Variants in TTC29 observed in about 807,000 individuals in gnomAD.
TTC29 encodes tetratricopeptide repeat domain 29, also known as tetratricopeptide repeat protein 29.
A neutral mutation model predicts 58.1 loss-of-function variants in TTC29; 49 were observed. The ratio of observed to expected loss-of-function variants is 0.84; its 90% CI spans 0.67 to 1.07. The LOEUF (loss-of-function observed/expected upper bound fraction) is 1.07, where lower values mean the gene tolerates loss of function less well. TTC29 is among the 50% of genes least tolerant of loss of function. The pLI, the probability that TTC29 is intolerant of heterozygous loss-of-function variation, is 0.00. For missense variants in TTC29, 582 were observed against 555.6 expected, an observed-to-expected ratio of 1.05 and a Z score of -0.48; for synonymous variants, 209 against 196.8, an observed-to-expected ratio of 1.06 and a Z score of -0.52.
chr4:146,937,353 A>G (rs868373512), intron 4 of TTC29, among the ~76,000 whole-genome samples: 1 of 152,048 alleles, frequency 6.6e-6, no homozygotes, highest in Non-Finnish European at 1.5e-5. Context: ...TTAACTAAAT[A>G]TTGCAAATGT....
intron 2 of TTC29, chr4:146,944,499 G>A (rs1342166026): frequency 6.6e-6 from 1 of 152,184 alleles, no homozygotes; most frequent in Admixed American, 6.5e-5. Context: ...TATCCCCAGA[G>A]ATGCCTTTAT....
chr4:146,923,326 C>A (rs1734716864), intron 4 of TTC29, among the ~76,000 whole-genome samples: 1 of 151,628 alleles, frequency 6.6e-6, no homozygotes, highest in South Asian at 2.1e-4. Flanking sequence ...AAAAATCACA[C>A]ACGCGCGTGC....
intron 6 of TTC29, among the ~76,000 whole-genome samples, chr4:146,900,520 G>A (rs1466045853): frequency 6.6e-6 from 1 of 152,136 alleles, no homozygotes; most frequent in African/African-American, 2.4e-5. Context: ...TTGCTGCGTG[G>A]CTGCCACTAA....
At chr4:146,844,759 T>G (rs1561181610) in intron 8 of TTC29, among the ~76,000 whole-genome samples, 1 of 152,102 alleles carries the variant, frequency 6.6e-6, no homozygotes, top group Non-Finnish European at 1.5e-5. Context: ...GAAGAATGAG[T>G]AGCCAATTCA....
At chr4:146,827,740 T>C (rs1727903911) in intron 9 of TTC29, among the ~76,000 whole-genome samples, 1 of 152,222 alleles carries the variant, frequency 6.6e-6, no homozygotes, top group African/African-American at 2.4e-5. Context: ...TAAATGGCAC[T>C]AGTGTTATTA....
chr4:146,935,320 A>T (rs1380650819), intron 4 of TTC29, among the ~76,000 whole-genome samples: 2 of 152,194 alleles, frequency 1.3e-5, no homozygotes, highest in Non-Finnish European at 2.9e-5. Context: ...GGGATATCAA[A>T]GCCAGTGTAC....
At chr4:146,768,887 T>C (rs1747519594) in intron 11 of TTC29, among the ~76,000 whole-genome samples, 2 of 152,022 alleles carry the variant, frequency 1.3e-5, no homozygotes, top group African/African-American at 4.8e-5. Flanking sequence ...TTATTGCATG[T>C]CATAACAATG....
chr4:146,873,386 C>T (rs1321482233), intron 7 of TTC29, among the ~76,000 whole-genome samples: 1 of 152,128 alleles, frequency 6.6e-6, no homozygotes, highest in African/African-American at 2.4e-5. Context: ...AAAACTATAA[C>T]AGTGTAAGAA....
intron 8 of TTC29, among the ~76,000 whole-genome samples, chr4:146,845,804 C>T (rs1263057829): frequency 6.9e-6 from 1 of 144,196 alleles, no homozygotes; most frequent in East Asian, 2.1e-4. Flanking sequence ...TCTTCCAGTA[C>T]TTGTACACAC....
At chr4:146,708,119 A>ACTT (rs750560927) in intron 11 of TTC29, among the ~76,000 whole-genome samples, 1 of 151,788 alleles carries the variant, frequency 6.6e-6, no homozygotes, top group Non-Finnish European at 1.5e-5. Context: ...CTACTTAGTG[A>ACTT]CTTCAATTAA....
intron 9 of TTC29, among the ~76,000 whole-genome samples, chr4:146,823,378 T>G (rs528032307): frequency 5.4e-4 from 83 of 152,328 alleles, no homozygotes; most frequent in African/African-American, 2.0e-3. Context: ...CCCCATTGAT[T>G]GTTTTTGTCA....
rs71592468 is a variant in TTC29, at chr4:146,761,669, GTTT to G, written c.1330+41785_1330+41787del. Among the ~76,000 whole-genome samples, 7 of 127,640 alleles carry G rather than the reference GTTT, an allele frequency of 5.5e-5. No individual in the cohort carries two copies. The East Asian group carries it at 1.4e-3, about 26-fold the overall frequency. The allele number at this position is 127,640 out of a possible 152,430, so 83.7% of individuals were successfully genotyped here. ...TTGAGTAGTTTCCCTAAACAGAGTA[GTTT>G]TTTTTTTTTTTTTTGTAGACTTGTC... On this transcript the variant is annotated intron_variant, in intron 11 of 12. Coordinates refer to ENST00000325106, the MANE Select transcript of TTC29 (RefSeq NM_031956.4).
intron 10 of TTC29, among the ~76,000 whole-genome samples, chr4:146,814,420 T>TA (rs1162331224): frequency 2.9e-3 from 96 of 32,604 alleles, no homozygotes; most frequent in African/African-American, 0.012. Context: ...TGCTTCTATT[T>TA]AAAAAAAAGT....
intron 11 of TTC29, among the ~76,000 whole-genome samples, chr4:146,728,813 A>ATG (rs373638562): frequency 1.9e-5 from 1 of 52,456 alleles, no homozygotes; most frequent in African/African-American, 3.9e-5. Flanking sequence ...ACACATATAT[A>ATG]TGTGTATATA....
chr4:146,820,566 T>A (rs148177442), intron 9 of TTC29, among the ~76,000 whole-genome samples: 1 of 152,232 alleles, frequency 6.6e-6, no homozygotes, highest in East Asian at 1.9e-4. Context: ...CTCCAAAATA[T>A]ATACCCAAGT....
At chr4:146,789,785 A>G (rs1432753592) in intron 11 of TTC29, among the ~76,000 whole-genome samples, 1 of 148,134 alleles carries the variant, frequency 6.8e-6, no homozygotes, top group Non-Finnish European at 1.5e-5. Context: ...TTTACTGTAG[A>G]TTTTAATTAA....
chr4:146,816,267 T>A (rs1751400255), intron 10 of TTC29, among the ~76,000 whole-genome samples: 1 of 152,228 alleles, frequency 6.6e-6, no homozygotes, highest in African/African-American at 2.4e-5. Context: ...ATATACTATA[T>A]CTTTTCTTCT....
At position 146,820,015 on chromosome 4, in the gene TTC29, C is replaced by T. The variant is rs573672523; in HGVS notation, c.1101+110G>A. 1.8e-5 allele frequency: 26 copies of T among 1,434,262 alleles called. No homozygotes were observed. In the African/African-American group the frequency reaches 3.7e-4, roughly 20 times the overall value. 88.8% of individuals were successfully genotyped at this position (1,434,262 alleles called of 1,614,324 possible). On this transcript the variant is annotated intron_variant, in intron 10 of 12. Coordinates refer to ENST00000325106, the MANE Select transcript of TTC29 (RefSeq NM_031956.4). ...CACCCTGCAGTCCAGGGCCATTCTG[C>T]ATAATATATTGTGGGAAGACAAGGA...
chr4:146,822,498 G>C (rs1322844563), intron 9 of TTC29, among the ~76,000 whole-genome samples: 1 of 152,140 alleles, frequency 6.6e-6, no homozygotes, highest in Non-Finnish European at 1.5e-5. Flanking sequence ...ATGGGCATTT[G>C]GGTTAGTTCC....
Sources: allele counts gnomAD v4.1 joint callset (sites outside exome capture counted in the v4.1 genomes callset), GRCh38; gene constraint gnomAD v4.1.1; transcripts MANE v1.5; gene names NCBI Gene and HGNC (gene_info 2026-07-23, HGNC 2026-07-21).